TRHDE: variants seen among roughly 807,000 people sequenced by gnomAD.
The protein encoded by TRHDE is thyrotropin releasing hormone degrading enzyme.
Under a neutral mutation model 125.7 loss-of-function variants are expected in TRHDE, and 72 were observed. The ratio of observed to expected loss-of-function variants is 0.57; its 90% CI spans 0.47 to 0.70. The LOEUF is 0.70. TRHDE is among the 30% of genes least tolerant of loss of function. TRHDE has a pLI of 0.00. For synonymous variants in TRHDE, 509 were observed against 509.1 expected, an observed-to-expected ratio of 1.00 and a Z score of 0.00; for missense variants, 1,110 against 1,327.1, an observed-to-expected ratio of 0.84 and a Z score of 2.54.
chr12:72,187,506 TGGAGGAGGAGGAGGA>T (rs948900502), intron 2 of TRHDE, among the ~76,000 whole-genome samples: 1 of 132,296 alleles, frequency 7.6e-6, no homozygotes, highest in Non-Finnish European at 1.6e-5. Context: ...GTGGTGGTGG[TGGAGGAGGAGGAGGA>T]GGAGGAGGAG....
intron 12 of TRHDE, among the ~76,000 whole-genome samples, chr12:72,584,823 A>G (rs1871375568): frequency 6.6e-6 from 1 of 152,196 alleles, no homozygotes; most frequent in African/African-American, 2.4e-5. Context: ...GGTTAATTCC[A>G]TATTTGGCTA....
chr12:72,192,039 C>T (rs1019601120), intron 2 of TRHDE, among the ~76,000 whole-genome samples: 2 of 152,122 alleles, frequency 1.3e-5, no homozygotes, highest in African/African-American at 4.8e-5. Flanking sequence ...CCAGATCTCA[C>T]TTTGTGCATC....
chr12:72,505,793 CAG>C (rs961194243), intron 6 of TRHDE, among the ~76,000 whole-genome samples: 1 of 152,128 alleles, frequency 6.6e-6, no homozygotes, highest in Admixed American at 6.5e-5. Context: ...CTTTGACCAA[CAG>C]AAGTCAACAT....
chr12:72,597,647 G>A (rs1871999442), intron 12 of TRHDE, among the ~76,000 whole-genome samples: 1 of 138,188 alleles, frequency 7.2e-6, no homozygotes, highest in Non-Finnish European at 1.5e-5. Flanking sequence ...CAGCTTGGGT[G>A]CCAGAGCAAG....
intron 2 of TRHDE, among the ~76,000 whole-genome samples, chr12:72,150,277 G>C (rs1876327627): frequency 6.6e-6 from 1 of 152,164 alleles, no homozygotes; most frequent in African/African-American, 2.4e-5. Flanking sequence ...AAGGAAAAGG[G>C]ATTTTAGCAG....
intron 7 of TRHDE, among the ~76,000 whole-genome samples, chr12:72,557,204 A>C (rs1869966731): frequency 6.6e-6 from 1 of 152,166 alleles, no homozygotes; most frequent in South Asian, 2.1e-4. Context: ...AGTTTTCCTG[A>C]TTCCTTAAAG....
chr12:72,168,557 G>T (rs1381044622), intron 2 of TRHDE, among the ~76,000 whole-genome samples: 1 of 152,208 alleles, frequency 6.6e-6, no homozygotes. Flanking sequence ...GAGCTGTTCA[G>T]ATTCAATCCT....
At position 72,198,866 on chromosome 12, in the gene TRHDE, C is replaced by T. The variant is rs1401836086; in HGVS notation, n.279+93114C>T. 2.0e-5 allele frequency among the ~76,000 whole-genome samples: 3 copies of T among 151,496 alleles called. No individual in the cohort carries two copies. The East Asian group carries it at 5.8e-4, about 29-fold the overall frequency. ...CACAGTTCTGCATGGCTGGTGAGGC[C>T]TCAGGAAACTTACAATCATGGCAGA... On this transcript the variant is annotated intron_variant and non_coding_transcript_variant, in intron 2 of 4. Coordinates refer to the TRHDE transcript ENST00000548156.
intron 12 of TRHDE, among the ~76,000 whole-genome samples, chr12:72,596,398 C>T (rs1871941362): frequency 6.6e-6 from 1 of 152,120 alleles, no homozygotes. Flanking sequence ...GAGGACTCCA[C>T]TGTAACACTG....
intron 12 of TRHDE, 22 bp from the exon 13 acceptor site, chr12:72,618,868 TC>T: frequency 1.4e-6 from 2 of 1,462,082 alleles, no homozygotes; most frequent in South Asian, 1.4e-5. Flanking sequence ...TCATCATGTA[TC>T]TTTTTTTTTT....
At chr12:72,127,432 A>C (rs1875742485) in intron 2 of TRHDE, among the ~76,000 whole-genome samples, 1 of 152,244 alleles carries the variant, frequency 6.6e-6, no homozygotes, top group Admixed American at 6.5e-5. Context: ...ACATAAAATC[A>C]ACCTAGGTGC....
intron 2 of TRHDE, among the ~76,000 whole-genome samples, chr12:72,349,458 A>G (rs1776471952): frequency 6.6e-6 from 1 of 151,856 alleles, no homozygotes; most frequent in African/African-American, 2.4e-5. Flanking sequence ...GAGTATGAAC[A>G]TGGTTTGATT....
In TRHDE at chr12:72,208,822, A is replaced by G. The variant is rs546515021; in HGVS notation, n.279+103070A>G. 5.3e-5 allele frequency among the ~76,000 whole-genome samples: 8 copies of G among 152,272 alleles called. No individual in the cohort carries two copies. The East Asian group carries it at 9.7e-4, about 18-fold the overall frequency. On this transcript the variant is annotated intron_variant and non_coding_transcript_variant, in intron 2 of 4. Transcript: ENST00000548156. Reference sequence around the variant, plus strand: ...TCAGGAGGTGAATTAATTCTTGTGTATATGCCCGTCTTGAAGCCACGATCA... The same window carrying G: ...TCAGGAGGTGAATTAATTCTTGTGTGTATGCCCGTCTTGAAGCCACGATCA...
intron 15 of TRHDE, among the ~76,000 whole-genome samples, chr12:72,637,775 C>T (rs1873831974): frequency 6.6e-6 from 1 of 152,136 alleles, no homozygotes; most frequent in African/African-American, 2.4e-5. Flanking sequence ...AGTAGTCATT[C>T]AGGAGCAGGT....
chr12:72,327,743 G>C (rs534156355), intron 2 of TRHDE, among the ~76,000 whole-genome samples: 1 of 150,786 alleles, frequency 6.6e-6, no homozygotes, highest in East Asian at 2.0e-4. Flanking sequence ...CTCTTTTATG[G>C]GATTAATTTT....
chr12:72,413,954 T>C (rs571098047), intron 3 of TRHDE, among the ~76,000 whole-genome samples: 114 of 152,230 alleles, frequency 7.5e-4, no homozygotes, highest in African/African-American at 2.7e-3. Context: ...TAAAATGAGA[T>C]AAGTATGCTA....
chr12:72,472,883 C>G (rs575925741), intron 4 of TRHDE, among the ~76,000 whole-genome samples, 184 bp from the exon 5 acceptor site: 16 of 152,300 alleles, frequency 1.1e-4, no homozygotes, highest in Non-Finnish European at 2.1e-4. Flanking sequence ...TATAAAAAAA[C>G]TAGTGTCACC....
At chr12:72,123,109 C>G (rs767239418) in intron 2 of TRHDE, among the ~76,000 whole-genome samples, 3 of 152,124 alleles carry the variant, frequency 2.0e-5, no homozygotes, top group Non-Finnish European at 4.4e-5. Context: ...ACAGGCAATA[C>G]TGTTTTTGAA....
intron 3 of TRHDE, among the ~76,000 whole-genome samples, chr12:72,395,247 A>G (rs527729593): frequency 3.4e-4 from 52 of 152,148 alleles, no homozygotes; most frequent in South Asian, 1.7e-3. Context: ...CTGACTTTCC[A>G]TCACTCCTCT....
Sources: gnomAD v4.1 joint callset for allele counts (sites outside exome capture counted in the v4.1 genomes callset) on GRCh38, gnomAD v4.1.1 for gene constraint, MANE v1.5 for transcripts, NCBI Gene and HGNC (gene_info 2026-07-23, HGNC 2026-07-21) for gene names.